The following GMIP variants were observed in gnomAD, a reference collection of about 807,000 sequenced individuals.
GMIP encodes GEM interacting protein, also known as GEM-interacting protein.
Under a neutral mutation model 105.3 loss-of-function variants are expected in GMIP, and 54 were observed. The ratio of observed to expected loss-of-function variants is 0.51; its 90% CI spans 0.41 to 0.64. The LOEUF (loss-of-function observed/expected upper bound fraction) is 0.64, where lower values mean the gene tolerates loss of function less well. Among genes scored for constraint, GMIP ranks in the 30% least tolerant of loss-of-function variants. The probability of loss-of-function intolerance (pLI) is 0.00; values close to 1 mark genes in which losing one functional copy is unlikely to be tolerated. For synonymous variants in GMIP, 541 were observed against 560.8 expected (o/e 0.96, Z 0.50); for missense variants, 1,110 against 1,319.4 (o/e 0.84, Z 2.46).
chr19:19,634,110 G>A lies in GMIP; in HGVS notation c.2165C>T (p.Pro722Leu), dbSNP rs745780664. 1.2e-5 allele frequency: 19 copies of A among 1,612,254 alleles called. No individual in the cohort carries two copies. The highest frequency in any genetic ancestry group is 1.6e-4 in the Middle Eastern group (1 of 6,078). ...IVFGPTLLRP[P>L]DGPRAASAIP... ...GGCGCTGGCTGCCCGCGGGCCGTCC[G>A]GCGGCCGCAGCAGTGTCGGCCCAAA... The change falls in exon 19 of 21, where the codon CCG becomes CTG. Residue 722 changes from proline to leucine, a missense_variant. By Grantham distance (98) the Pro-to-Leu change is moderately conservative. Around this residue, in one of 3 missense-constraint regions of GMIP, gnomAD observed 394 missense variants for 450.5 expected, o/e 0.87. Coordinates refer to ENST00000203556, the MANE Select transcript of GMIP (RefSeq NM_016573.4). This position sits in a 1 kb window ranked among gnomAD's most constrained non-coding sequence, Gnocchi z 6.1.
In GMIP at chr19:19,635,392, T is replaced by C. The variant is rs780984967; in HGVS notation, c.1560+23A>G. 1.2e-6 allele frequency: 2 copies of C among 1,604,430 alleles called. No individual in the cohort carries two copies. Among genetic ancestry groups the C allele is most frequent in the Non-Finnish European group, 1.7e-6 (2 of 1,175,642 alleles). On this transcript the variant is annotated intron_variant, in intron 15 of 20. Coordinates refer to ENST00000203556, the MANE Select transcript of GMIP (RefSeq NM_016573.4). The surrounding 1 kb of genome is among the most constrained non-coding windows in gnomAD (Gnocchi z 4.7). ...ATGATCAAGGGTCAGCAAAGGTCAT[T>C]TGGTCATTAACCCAGGCCACACCTC...
intron 7 of GMIP, 107 bp from the exon 8 acceptor site, chr19:19,638,589 C>CT (rs1171589726): frequency 4.6e-6 from 4 of 866,392 alleles, no homozygotes; most frequent in African/African-American, 3.5e-5. Context: ...CCTCTGGACT[C>CT]TATTTTTTTT....
At position 19,638,303 on chromosome 19, in the gene GMIP, G is replaced by A. The variant is rs749652689; in HGVS notation, c.645C>T (p.Arg215=). ...RMNEAVQALR[R]AQLQYVQRSE... ...TGCGTTGCACATACTGCAGCTGGGC[G>A]CGCCGCAGTGCCTGCACCGCCTCAT... The change falls in exon 9 of 21, where the codon CGC becomes CGT. Residue 215 remains arginine, a synonymous_variant. Coordinates refer to ENST00000203556, the MANE Select transcript of GMIP (RefSeq NM_016573.4). 3.0e-5 allele frequency: 48 copies of A among 1,612,762 alleles called. No individual in the cohort carries two copies. The highest frequency in any genetic ancestry group is 1.6e-4 in the Middle Eastern group (1 of 6,084).
chr19:19,634,780 CTG>C lies in GMIP; in HGVS notation c.1887+10_1887+11del. On this transcript the variant is annotated intron_variant, in intron 17 of 20. Transcript: ENST00000203556. This position sits in a 1 kb window ranked among gnomAD's most constrained non-coding sequence, Gnocchi z 6.1. ...TCCTGCCCGCGTCCCCCTCAGTGTC[CTG>C]AGCACCAACCTCCTGAAGAAATCGC... The C allele has an allele frequency of 6.2e-7, 1 of 1,613,696 alleles. No homozygotes were observed. Among genetic ancestry groups the C allele is most frequent in the Non-Finnish European group, 8.5e-7 (1 of 1,179,966 alleles).
Position 19,634,984 on chromosome 19 carries a change from G to A in GMIP, c.1749+41C>T, listed in dbSNP as rs1485871010. The stretch of plus-strand genomic sequence containing the variant: ...TGGTTCGTGATAGGCCATCGATTCG[G>A]TCAGGTCACTTCTGGGGATGATGAA... On this transcript the variant is annotated intron_variant, in intron 16 of 20. Coordinates refer to ENST00000203556, the MANE Select transcript of GMIP (RefSeq NM_016573.4). This position sits in a 1 kb window ranked among gnomAD's most constrained non-coding sequence, Gnocchi z 6.1. The A allele has an allele frequency of 6.2e-7, 1 of 1,613,276 alleles. No homozygotes were observed. Among genetic ancestry groups the A allele is most frequent in the South Asian group, 1.1e-5 (1 of 91,070 alleles).
chr19:19,637,379 A>G lies in GMIP; in HGVS notation c.1110T>C (p.Leu370=), dbSNP rs769322854. The G allele has an allele frequency of 6.6e-7, 1 of 1,505,526 alleles. No individual in the cohort carries two copies. The highest frequency in any genetic ancestry group is 8.8e-7 in the Non-Finnish European group (1 of 1,133,380). 93.3% of individuals were successfully genotyped at this position (1,505,526 alleles called of 1,614,324 possible). A position where few individuals can be genotyped will look rare whatever the true frequency, so the allele number is the denominator to read the frequency against. The stretch of plus-strand genomic sequence containing the variant: ...CAGTGACCCACCTGTTCAAGGAGGG[A>G]AGGAACTCCTGGAAGGAGAAGGCGG... ...PPPAFSFQEF[L]PSLNSSPLDI... The change falls in exon 11 of 21, where the codon CTT becomes CTC. Residue 370 remains leucine (L), a synonymous_variant. Coordinates refer to ENST00000203556, the MANE Select transcript of GMIP (RefSeq NM_016573.4). This position sits in a 1 kb window ranked among gnomAD's most constrained non-coding sequence, Gnocchi z 6.7.
In GMIP at chr19:19,635,027, G is replaced by T. The variant is rs2061838743; in HGVS notation, c.1747C>A (p.Gln583Lys). 1.2e-6 allele frequency: 2 copies of T among 1,613,624 alleles called. No individual in the cohort carries two copies. The highest frequency in any genetic ancestry group is 1.1e-5 in the South Asian group (1 of 91,068). The change falls in exon 16 of 21, where the codon CAG becomes AAG. Residue 583 changes from glutamine (Q) to lysine (K), a missense_variant and splice_region_variant. Gln to Lys is a moderately conservative substitution (Grantham distance 53). Around this residue, in one of 3 missense-constraint regions of GMIP, gnomAD observed 49 missense variants for 95.6 expected, o/e 0.51. Transcript: ENST00000203556. This position sits in a 1 kb window ranked among gnomAD's most constrained non-coding sequence, Gnocchi z 4.7. ...ATGATGAAGGGTCAGGGCAGCACCT[G>T]CACATCCAGGGCACGGTGTTCTATC... ...AEIEHRALDVQGIYRVSGSRV... is the reference protein window; with the variant it reads ...AEIEHRALDVKGIYRVSGSRV...
Position 19,634,209 on chromosome 19 carries a change from G to C in GMIP, c.2085-19C>G. On this transcript the variant is annotated intron_variant, in intron 18 of 20. Coordinates refer to ENST00000203556, the MANE Select transcript of GMIP (RefSeq NM_016573.4). The surrounding 1 kb of genome is among the most constrained non-coding windows in gnomAD (Gnocchi z 6.1). ...AGCCACCCTGGGGATGGTGTGAAGA[G>C]AAAGGTCAGGGTACAGGATGCAAGC... The C allele has an allele frequency of 6.4e-7, 1 of 1,570,252 alleles. No homozygotes were observed. Among genetic ancestry groups the C allele is most frequent in the South Asian group, 1.2e-5 (1 of 85,922 alleles).
chr19:19,630,483 C>T lies in GMIP; in HGVS notation c.2527G>A (p.Gly843Arg), dbSNP rs138816376. ...REDVAEDTKD[G>R]GGEVSSQGPE... ...CTAACATACTCACCTTCCCCTCCCC[C>T]ATCTTTGGTGTCTTCAGCCACGTCC... is the stretch of plus-strand genomic sequence containing the variant. The change falls in exon 20 of 21, where the codon GGG becomes AGG. Residue 843 changes from glycine (G) to arginine (R), a missense_variant. By Grantham distance (125) the Gly-to-Arg change is moderately radical. Coordinates refer to ENST00000203556, the MANE Select transcript of GMIP (RefSeq NM_016573.4). This position sits in a 1 kb window ranked among gnomAD's most constrained non-coding sequence, Gnocchi z 4.8. The T allele has an allele frequency of 1.9e-6, 3 of 1,614,016 alleles. No homozygotes were observed. The highest frequency in any genetic ancestry group is 2.5e-6 in the Non-Finnish European group (3 of 1,179,886).
At position 19,634,618 on chromosome 19, in the gene GMIP, G is replaced by C. The variant is rs536092824; in HGVS notation, c.1973C>G (p.Pro658Arg). 2 of 1,613,712 alleles carry C rather than the reference G, an allele frequency of 1.2e-6. No homozygotes were observed. Among genetic ancestry groups the C allele is most frequent in the East Asian group, 4.5e-5 (2 of 44,880 alleles). The change falls in exon 18 of 21, where the codon CCT becomes CGT. Residue 658 changes from proline (P) to arginine (R), a missense_variant. By Grantham distance (103) the Pro-to-Arg change is moderately radical (BLOSUM62 -2). This residue lies in a region of GMIP where 394 missense variants were observed against 450.5 expected (regional missense o/e 0.87). Transcript: ENST00000203556. The surrounding 1 kb of genome is among the most constrained non-coding windows in gnomAD (Gnocchi z 6.1). ...CTCAGGGCTGGGGCTGGGGGTCCCAGGGTCGTCCCCAGGGTCTGCATGCAA... is the reference window on the plus strand; with the variant it reads ...CTCAGGGCTGGGGCTGGGGGTCCCACGGTCGTCCCCAGGGTCTGCATGCAA... ...KTLHADPGDD[P>R]GTPSPSPEVI...
rs140127889 is a variant in GMIP, at chr19:19,636,778, G to C, written c.1256C>G (p.Pro419Arg). 8.5e-5 allele frequency: 137 copies of C among 1,612,178 alleles called. No homozygotes were observed. The highest frequency in any genetic ancestry group is 1.1e-4 in the Non-Finnish European group (133 of 1,179,190). ...WRWQGTPGPT[P>R]GSDVDSVGGG... ...ACCCACGCTGTCCACATCGCTGCCC[G>C]GAGTGGGGCCTGGAGTCCCTAGGTG... Residue 419 changes from proline (P) to arginine (R), a missense_variant, in exon 13 of 21, where the codon CCG becomes CGG. Pro to Arg is a moderately radical substitution (Grantham distance 103). Coordinates refer to ENST00000203556, the MANE Select transcript of GMIP (RefSeq NM_016573.4).
In GMIP at chr19:19,633,961, C is replaced by A; in HGVS notation, c.2314G>T (p.Asp772Tyr). The A allele has an allele frequency of 4.6e-6, 7 of 1,530,878 alleles. No individual in the cohort carries two copies. Among genetic ancestry groups the A allele is most frequent in the Non-Finnish European group, 6.2e-6 (7 of 1,133,184 alleles). The allele number at this position is 1,530,878 out of a possible 1,614,324, so 94.8% of individuals were successfully genotyped here. A position where few individuals can be genotyped will look rare whatever the true frequency, so the allele number is the denominator to read the frequency against. ...LPQATEPPPQ[D>Y]SSPAPGPLTT... ...AGGGGCCCAGGGGCTGGGCTGGAGT[C>A]TTGGGGCGGGGGCTCAGTGGCCTGG... The change falls in exon 19 of 21, where the codon GAC (aspartate) becomes TAC (tyrosine). Residue 772 changes from aspartate (D) to tyrosine (Y), a missense_variant. By Grantham distance (160) the Asp-to-Tyr change is radical. Around this residue, in one of 3 missense-constraint regions of GMIP, gnomAD observed 394 missense variants for 450.5 expected, o/e 0.87. Transcript: ENST00000203556.
intron 1 of GMIP, chr19:19,643,237 T>G: frequency 4.0e-5 from 17 of 424,326 alleles, no homozygotes; most frequent in African/African-American, 8.3e-5. Flanking sequence ...CCTGCCCCCA[T>G]CACAAAAATC....
chr19:19,636,860 A>G (rs1349698391), intron 12 of GMIP, 57 bp downstream of exon 12: 1 of 1,557,996 alleles, frequency 6.4e-7, no homozygotes, highest in Non-Finnish European at 8.8e-7. Context: ...CAGCCCACCT[A>G]TGTGTTGGTG....
chr19:19,641,731 G>T, intron 4 of GMIP, 79 bp downstream of exon 4: 1 of 1,030,826 alleles, frequency 9.7e-7, no homozygotes, highest in Non-Finnish European at 1.5e-6. Flanking sequence ...TGCCTTGCAT[G>T]GAACAGGGGA....
intron 13 of GMIP, among the ~76,000 whole-genome samples, chr19:19,636,215 A>G (rs1354482904): frequency 6.6e-6 from 1 of 150,414 alleles, no homozygotes; most frequent in Non-Finnish European, 1.5e-5. Flanking sequence ...AAAAAAAAAA[A>G]AAGAAAGAAA....
chr19:19,641,029 A>G (rs779018904), intron 4 of GMIP, among the ~76,000 whole-genome samples: 34 of 150,732 alleles, frequency 2.3e-4, no homozygotes, highest in Non-Finnish European at 4.1e-4. Flanking sequence ...GGCCTCCCAA[A>G]GTGCTGGGAT....
Position 19,629,976 on chromosome 19 carries a change from T to C in GMIP, c.2900A>G (p.Glu967Gly). 6.2e-7 allele frequency: 1 copy of C among 1,608,972 alleles called. No homozygotes were observed. The highest frequency in any genetic ancestry group is 8.5e-7 in the Non-Finnish European group (1 of 1,178,290). The change falls in exon 21 of 21, where the codon GAG becomes GGG. Residue 967 changes from glutamate to glycine, a missense_variant. Glu to Gly is a moderately conservative substitution (Grantham distance 98). This residue lies in a region of GMIP where 394 missense variants were observed against 450.5 expected (regional missense o/e 0.87). Coordinates refer to ENST00000203556, the MANE Select transcript of GMIP (RefSeq NM_016573.4). ...GTGCCAGGGTGGTCAGAGATGGTCC[T>C]CGGCTTCCTCAGGCTGGACGTCCGG... ...CCPDVQPEEAEDHL is the reference protein window; with the variant it reads ...CCPDVQPEEAGDHL
chr19:19,636,810 G>A lies in GMIP; in HGVS notation c.1238-14C>T. On this transcript the variant is annotated splice_polypyrimidine_tract_variant and intron_variant, in intron 12 of 20. Coordinates refer to ENST00000203556, the MANE Select transcript of GMIP (RefSeq NM_016573.4). ...GGCCTGGAGTCCCTAGGTGGCACAG[G>A]TCAATAAGGATGGTCCCCTGCTCAC... 3 of 1,603,856 alleles carry A rather than the reference G, an allele frequency of 1.9e-6. No homozygotes were observed. The highest frequency in any genetic ancestry group is 1.3e-5 in the African/African-American group (1 of 74,852).
Sources: allele counts gnomAD v4.1 joint callset (sites outside exome capture counted in the v4.1 genomes callset), GRCh38; gene constraint gnomAD v4.1.1; regional missense constraint gnomAD v4.1.1; non-coding constraint Gnocchi (gnomAD v3.1); transcripts MANE v1.5; gene names NCBI Gene and HGNC (gene_info 2026-07-23, HGNC 2026-07-21).